The following TINCR variants were observed in gnomAD, a reference collection of about 807,000 sequenced individuals.
TINCR encodes TINCR ubiquitin domain containing.
intron 1 of TINCR, among the ~76,000 whole-genome samples, chr19:5,564,967 C>G (rs1328984232): frequency 6.6e-6 from 1 of 152,144 alleles, no homozygotes; most frequent in Non-Finnish European, 1.5e-5. Flanking sequence ...GCCCTCCCCC[C>G]ATCACAGTCT....
intron 1 of TINCR, 42 bp downstream of exon 1, chr19:5,567,623 G>GCCCCCCCCCCCCCCCCCCCCC: frequency 1.8e-5 from 6 of 328,346 alleles, no homozygotes; most frequent in East Asian, 9.2e-5. Context: ...GGGGTCCCCG[G>GCCCCCCCCCCCCCCCCCCCCC]CCGCCGCCCC....
chr19:5,560,801 G>C (rs10451477), downstream of TINCR: 28,238 of 152,490 alleles, frequency 0.19, 2,884 homozygotes, highest in African/African-American at 0.23. This position sits in a 1 kb window ranked among gnomAD's most constrained non-coding sequence, Gnocchi z 4.5. Context: ...TTGGAGGCCT[G>C]AGAAGGAGCT....
At position 5,565,303 on chromosome 19, in the gene TINCR, G is replaced by A. The variant is rs888021093; in HGVS notation, c.261-2354C>T. ...GTTTAACCACCTCCTCCACATCATA[G>A]CCTGACATGTCACCTTTCCGGAGAG... On this transcript the variant is annotated intron_variant, in intron 1 of 1. Coordinates refer to ENST00000646160, the Ensembl canonical transcript of TINCR. The surrounding 1 kb of genome is among the most constrained non-coding windows in gnomAD (Gnocchi z 4.0). Among the ~76,000 whole-genome samples, 2 of 152,070 alleles carry A rather than the reference G, an allele frequency of 1.3e-5. No individual in the cohort carries two copies. The highest frequency in any genetic ancestry group is 4.8e-5 in the African/African-American group (2 of 41,384).
At chr19:5,566,718 GAGAC>G (rs1568193957) in intron 1 of TINCR, among the ~76,000 whole-genome samples, 1 of 151,188 alleles carries the variant, frequency 6.6e-6, no homozygotes, top group Admixed American at 6.6e-5. Context: ...AGAGACAAAA[GAGAC>G]AGACACAGAG....
At chr19:5,560,322 C>T (rs2052094520), downstream of TINCR, 1 of 152,238 alleles carries the variant, frequency 6.6e-6, no homozygotes. This position sits in a 1 kb window ranked among gnomAD's most constrained non-coding sequence, Gnocchi z 4.5. Flanking sequence ...TTACTATCCA[C>T]CTGTCCATGC....
intron 1 of TINCR, 39 bp downstream of exon 1, chr19:5,567,626 G>GCCTCCCCCCCCCCCCCCCCC: frequency 2.3e-4 from 47 of 202,418 alleles, no homozygotes; most frequent in Non-Finnish European, 3.5e-4. Flanking sequence ...GTCCCCGGCC[G>GCCTCCCCCCCCCCCCCCCCC]CCGCCCCCGC....
At chr19:5,561,773 A>G (rs1842230849), downstream of TINCR, 1 of 152,154 alleles carries the variant, frequency 6.6e-6, no homozygotes, top group East Asian at 1.9e-4. Context: ...CAAAGAGTGC[A>G]GTAAAGCCAA....
At chr19:5,567,208 AGAGAT>A (rs1473914916) in intron 1 of TINCR, among the ~76,000 whole-genome samples, 1 of 152,038 alleles carries the variant, frequency 6.6e-6, no homozygotes, top group Non-Finnish European at 1.5e-5. Flanking sequence ...CAGCCACAAA[AGAGAT>A]GAGAGAGACA....
chr19:5,567,484 G>T (rs1251976328), intron 1 of TINCR, among the ~76,000 whole-genome samples, 181 bp downstream of exon 1: 1 of 152,254 alleles, frequency 6.6e-6, no homozygotes, highest in African/African-American at 2.4e-5. Context: ...CACAGACAGA[G>T]AGCCCGAAAG....
rs1015430758 is a variant in TINCR, at chr19:5,563,968, A to G, written c.261-1019T>C. Among the ~76,000 whole-genome samples the G allele has an allele frequency of 6.6e-6, 1 of 152,168 alleles. No individual in the cohort carries two copies. The highest frequency in any genetic ancestry group is 1.5e-5 in the Non-Finnish European group (1 of 68,022). On this transcript the variant is annotated intron_variant, in intron 1 of 1. Coordinates refer to ENST00000646160, the Ensembl canonical transcript of TINCR. This position sits in a 1 kb window ranked among gnomAD's most constrained non-coding sequence, Gnocchi z 4.7. Reference sequence around the variant, plus strand: ...AGCATCCTCGCCAGGGGACAGCGGTAAGGCCACGTGAAAAGCCCCTAGCAT... The same window carrying G: ...AGCATCCTCGCCAGGGGACAGCGGTGAGGCCACGTGAAAAGCCCCTAGCAT...
At chr19:5,566,170 G>C (rs1056516268) in intron 1 of TINCR, among the ~76,000 whole-genome samples, 1 of 152,192 alleles carries the variant, frequency 6.6e-6, no homozygotes, top group South Asian at 2.1e-4. Context: ...GGAAGAGAGA[G>C]ACAGAGCTTC....
chr19:5,567,358 AG>A (rs1418036032), intron 1 of TINCR, among the ~76,000 whole-genome samples: 1 of 152,050 alleles, frequency 6.6e-6, no homozygotes, highest in African/African-American at 2.4e-5. Context: ...CAGAGACAAA[AG>A]AAGAAGAGAC....
intron 1 of TINCR, among the ~76,000 whole-genome samples, chr19:5,566,701 T>A (rs1362540935): frequency 7.9e-5 from 10 of 127,080 alleles, no homozygotes; most frequent in South Asian, 5.1e-4. Flanking sequence ...GAGACAAAAA[T>A]GGACAAAGAG....
intron 1 of TINCR, among the ~76,000 whole-genome samples, chr19:5,566,486 A>G (rs1039215810): frequency 1.3e-5 from 2 of 151,946 alleles, no homozygotes; most frequent in Non-Finnish European, 1.5e-5. Context: ...GGGCAGAGAC[A>G]CAGAGAGAGA....
chr19:5,560,511 G>A (rs1262139359), downstream of TINCR: 1 of 152,244 alleles, frequency 6.6e-6, no homozygotes, highest in Non-Finnish European at 1.5e-5. This position sits in a 1 kb window ranked among gnomAD's most constrained non-coding sequence, Gnocchi z 4.5. Context: ...CTGCAGGTCA[G>A]AGGTGCAACG....
intron 1 of TINCR, 40 bp downstream of exon 1, chr19:5,567,623 GCC>G: frequency 3.0e-6 from 1 of 328,350 alleles, no homozygotes; most frequent in Non-Finnish European, 5.5e-6. Flanking sequence ...GGGGTCCCCG[GCC>G]GCCGCCCCCG....
chr19:5,566,367 C>T (rs62637989), intron 1 of TINCR, among the ~76,000 whole-genome samples: 1,518 of 150,518 alleles, frequency 0.01, 14 homozygotes, highest in Non-Finnish European at 0.018. Flanking sequence ...AACAGAGAGA[C>T]AAAAGAGACA....
rs978912641 is a variant in TINCR, at chr19:5,567,489, C to T, written c.260+176G>A. Among the ~76,000 whole-genome samples the T allele has an allele frequency of 2.6e-5, 4 of 152,190 alleles. No homozygotes were observed. The East Asian group carries it at 5.8e-4, about 22-fold the overall frequency. On this transcript the variant is annotated intron_variant, in intron 1 of 1. Coordinates refer to ENST00000646160, the Ensembl canonical transcript of TINCR. ...GAGAAACAGGCACAGACAGAGAGCC[C>T]GAAAGCAAGACCTGACACCGGCAAG...
intron 1 of TINCR, 30 bp downstream of exon 1, chr19:5,567,635 G>GGGGGGGGACCACCACCACCCC: frequency 8.9e-6 from 1 of 111,790 alleles, no homozygotes; most frequent in South Asian, 5.0e-4. Flanking sequence ...CGCCGCCCCC[G>GGGGGGGGACCACCACCACCCC]CCCCACCCCA....
Sources: allele counts gnomAD v4.1 joint callset (sites outside exome capture counted in the v4.1 genomes callset), GRCh38; gene constraint gnomAD v4.1.1; non-coding constraint Gnocchi (gnomAD v3.1); transcripts MANE v1.5; gene names NCBI Gene and HGNC (gene_info 2026-07-23, HGNC 2026-07-21).